The following KCNQ5 variants were observed in gnomAD, a reference collection of about 807,000 sequenced individuals.
KCNQ5 encodes the protein potassium voltage-gated channel subfamily KQT member 5.
In KCNQ5, 30 loss-of-function variants were observed where a neutral mutation model predicts 98.2. The observed-to-expected ratio is 0.31, with a 90% CI of 0.23 to 0.41. The LOEUF is 0.41. Ranked by LOEUF, KCNQ5 falls within the 10% of genes least tolerant of loss-of-function variation. The pLI, the probability that KCNQ5 is intolerant of heterozygous loss-of-function variation, is 1.00. For missense variants in KCNQ5, 835 were observed against 1,182.5 expected, an observed-to-expected ratio of 0.71 and a Z score of 4.31; for synonymous variants, 458 against 449.4, an observed-to-expected ratio of 1.02 and a Z score of -0.24.
intron 1 of KCNQ5, among the ~76,000 whole-genome samples, chr6:72,799,360 A>G (rs1026610089): frequency 6.6e-6 from 1 of 152,212 alleles, no homozygotes; most frequent in African/African-American, 2.4e-5. Context: ...AACCACATCT[A>G]CAAAATGCCT....
intron 2 of KCNQ5, among the ~76,000 whole-genome samples, chr6:73,034,622 A>G (rs1771306866): frequency 6.6e-6 from 1 of 152,232 alleles, no homozygotes; most frequent in Admixed American, 6.5e-5. Flanking sequence ...GCCTAAAACA[A>G]TTTTAAGTAG....
intron 1 of KCNQ5, among the ~76,000 whole-genome samples, chr6:72,923,987 A>C (rs1780516644): frequency 6.6e-6 from 1 of 152,218 alleles, no homozygotes; most frequent in African/African-American, 2.4e-5. Flanking sequence ...TCAGAAAAAA[A>C]GGTATTGAAA....
chr6:72,949,276 T>G (rs573888390), intron 1 of KCNQ5, among the ~76,000 whole-genome samples: 19 of 152,328 alleles, frequency 1.2e-4, no homozygotes, highest in African/African-American at 4.6e-4. Flanking sequence ...ATTGTGGCTT[T>G]TGGCTCTCAT....
chr6:73,173,397 A>G (rs1298264439), intron 11 of KCNQ5, among the ~76,000 whole-genome samples: 1 of 152,224 alleles, frequency 6.6e-6, no homozygotes, highest in Non-Finnish European at 1.5e-5. Flanking sequence ...AAACAAATGG[A>G]TAGACTCTAG....
chr6:73,133,650 T>G lies in KCNQ5; in HGVS notation c.1468+9T>G. On this transcript the variant is annotated intron_variant, in intron 10 of 13. Transcript: ENST00000370398. ...AAAACCAGTGATAGATGGTAAGCCC[T>G]GTTTTTCCATAACCATTTTTAATTG... The G allele has an allele frequency of 6.2e-7, 1 of 1,612,808 alleles. No homozygotes were observed. The highest frequency in any genetic ancestry group is 8.5e-7 in the Non-Finnish European group (1 of 1,178,860).
At chr6:72,746,327 T>G (rs1368764010) in intron 1 of KCNQ5, among the ~76,000 whole-genome samples, 1 of 152,180 alleles carries the variant, frequency 6.6e-6, no homozygotes, top group Admixed American at 6.5e-5. Context: ...GTCTGCATTA[T>G]TGTTGACCTG....
At chr6:72,951,283 G>C (rs540454538) in intron 1 of KCNQ5, among the ~76,000 whole-genome samples, 42 of 151,748 alleles carry the variant, frequency 2.8e-4, no homozygotes, top group African/African-American at 1.0e-3. Context: ...TTTGGTTTTT[G>C]CTTGTTTGTT....
chr6:72,729,530 C>T (rs988036085), intron 1 of KCNQ5, among the ~76,000 whole-genome samples: 1 of 152,118 alleles, frequency 6.6e-6, no homozygotes. Context: ...AGGTGATCCT[C>T]CTTGCTGGGA....
intron 1 of KCNQ5, among the ~76,000 whole-genome samples, chr6:72,818,551 C>A (rs531012463): frequency 4.6e-5 from 7 of 151,450 alleles, no homozygotes; most frequent in African/African-American, 1.7e-4. Flanking sequence ...ATAAACATTG[C>A]CCTTAATATT....
intron 1 of KCNQ5, among the ~76,000 whole-genome samples, chr6:72,981,031 GC>G (rs1282936372): frequency 6.6e-6 from 1 of 152,096 alleles, no homozygotes; most frequent in Admixed American, 6.6e-5. Flanking sequence ...TGGTGGATAA[GC>G]TTTTTGATGT....
intron 1 of KCNQ5, among the ~76,000 whole-genome samples, chr6:72,634,788 G>A (rs1000428664): frequency 9.9e-5 from 15 of 151,914 alleles, no homozygotes; most frequent in Non-Finnish European, 1.8e-4. Flanking sequence ...GGCTGGTCTC[G>A]AACTCCTGAC....
intron 10 of KCNQ5, among the ~76,000 whole-genome samples, chr6:73,149,824 G>GGGAGGA (rs1421863385): frequency 8.0e-6 from 1 of 125,342 alleles, no homozygotes; most frequent in African/African-American, 5.2e-5. Context: ...GAGAGAGAGA[G>GGGAGGA]AGGGAGGGAG....
At chr6:72,982,141 G>C (rs1487677430) in intron 1 of KCNQ5, among the ~76,000 whole-genome samples, 3 of 152,224 alleles carry the variant, frequency 2.0e-5, no homozygotes, top group African/African-American at 7.2e-5. Flanking sequence ...GTTGATTTGG[G>C]TTGGAAAGTT....
rs371063737 is a variant in KCNQ5 at position 72,640,432 on chromosome 6, CAT to C, written c.398+17846_398+17847del. 3.5e-4 allele frequency among the ~76,000 whole-genome samples: 53 copies of C among 151,440 alleles called. No individual in the cohort carries two copies. In the East Asian group the frequency reaches 4.7e-3, roughly 13 times the overall value. ...GCAATAATAGACACATGTGAAAAAA[CAT>C]GTGTTCAACGAATAAATAAGTGAAT... On this transcript the variant is annotated intron_variant, in intron 1 of 13. Coordinates refer to ENST00000370398, the MANE Select transcript of KCNQ5 (RefSeq NM_019842.4).
At chr6:72,858,221 T>C (rs555348361) in intron 1 of KCNQ5, among the ~76,000 whole-genome samples, 4 of 152,294 alleles carry the variant, frequency 2.6e-5, no homozygotes, top group African/African-American at 4.8e-5. Flanking sequence ...TTTATAAATA[T>C]AGAGAAAAAT....
chr6:72,927,903 G>C (rs1765504902), intron 1 of KCNQ5, among the ~76,000 whole-genome samples: 1 of 151,920 alleles, frequency 6.6e-6, no homozygotes. Flanking sequence ...GTCATAACAG[G>C]TATTCAAGAA....
intron 1 of KCNQ5, among the ~76,000 whole-genome samples, chr6:72,830,049 G>C (rs1776177245): frequency 6.6e-6 from 1 of 152,068 alleles, no homozygotes; most frequent in Non-Finnish European, 1.5e-5. Context: ...CCTCTTCAAG[G>C]AGAACTACAA....
chr6:72,821,174 A>G (rs1759962832), intron 1 of KCNQ5, among the ~76,000 whole-genome samples: 2 of 152,170 alleles, frequency 1.3e-5, no homozygotes, highest in South Asian at 2.1e-4. Flanking sequence ...TTGCAACTGT[A>G]TTTTATAAAT....
chr6:73,014,207 T>C (rs1238784438), intron 2 of KCNQ5, among the ~76,000 whole-genome samples: 2 of 152,150 alleles, frequency 1.3e-5, no homozygotes, highest in Admixed American at 6.6e-5. Flanking sequence ...ATTTCCTCTC[T>C]GTTAAAGAAC....
Sources: gnomAD v4.1 joint callset for allele counts (sites outside exome capture counted in the v4.1 genomes callset) on GRCh38, gnomAD v4.1.1 for gene constraint, MANE v1.5 for transcripts, NCBI Gene and HGNC (gene_info 2026-07-23, HGNC 2026-07-21) for gene names.